Variants in SNX29 observed in about 807,000 individuals in gnomAD.
SNX29 encodes the protein sorting nexin-29.
In SNX29, 78 loss-of-function variants were observed where a neutral mutation model predicts 102.1. The ratio of observed to expected loss-of-function variants is 0.76; its 90% CI spans 0.64 to 0.92. The LOEUF (loss-of-function observed/expected upper bound fraction) is 0.92. SNX29 is among the 40% of genes least tolerant of loss of function. The pLI is 0.00. For missense variants in SNX29, 1,280 were observed against 1,061.7 expected (o/e 1.21, Z -2.86); for synonymous variants, 580 against 414.5 (o/e 1.40, Z -4.85).
intron 20 of SNX29, among the ~76,000 whole-genome samples, chr16:12,540,041 ACT>A (rs967390250): frequency 6.6e-5 from 10 of 152,160 alleles, no homozygotes; most frequent in Non-Finnish European, 4.4e-5. Flanking sequence ...GATGAAATTT[ACT>A]TTTTGTGTCC....
At chr16:12,276,657 G>A (rs2079261371) in intron 14 of SNX29, among the ~76,000 whole-genome samples, 1 of 152,166 alleles carries the variant, frequency 6.6e-6, no homozygotes, top group Non-Finnish European at 1.5e-5. Context: ...TGAGGCTTGA[G>A]GCTAATCCAC....
intron 16 of SNX29, among the ~76,000 whole-genome samples, chr16:12,365,823 A>ACC (rs1446549215): frequency 6.6e-6 from 1 of 151,482 alleles, no homozygotes; most frequent in Non-Finnish European, 1.5e-5. Flanking sequence ...CAGGCGGATC[A>ACC]TGAGGTCAGG....
chr16:12,354,966 G>C (rs2082090454), intron 15 of SNX29, among the ~76,000 whole-genome samples: 1 of 152,174 alleles, frequency 6.6e-6, no homozygotes. Flanking sequence ...GAAAGCGTCT[G>C]TACCTCAGGG....
intron 19 of SNX29, among the ~76,000 whole-genome samples, chr16:12,482,876 G>T (rs1012470992): frequency 6.6e-6 from 1 of 152,142 alleles, no homozygotes; most frequent in South Asian, 2.1e-4. Context: ...GTTGTATAGT[G>T]TGTGGACCCA....
chr16:12,053,774 A>G (rs1308262265), intron 8 of SNX29, among the ~76,000 whole-genome samples: 1 of 151,000 alleles, frequency 6.6e-6, no homozygotes, highest in Non-Finnish European at 1.5e-5. Context: ...TGATCATCTG[A>G]GATATGCCAG....
intron 11 of SNX29, chr16:12,087,781 A>T (rs1020318890): frequency 2.2e-5 from 10 of 448,336 alleles, no homozygotes; most frequent in Admixed American, 4.7e-5. Context: ...TCACACAGCC[A>T]AACTTCTGGG....
intron 13 of SNX29, among the ~76,000 whole-genome samples, chr16:12,146,725 C>G (rs1342949157): frequency 1.3e-5 from 2 of 152,110 alleles, no homozygotes; most frequent in Non-Finnish European, 2.9e-5. Context: ...TGAATGATTT[C>G]TCAGCTCGTT....
intron 19 of SNX29, among the ~76,000 whole-genome samples, chr16:12,507,890 G>A (rs957698772): frequency 6.6e-6 from 1 of 152,124 alleles, no homozygotes; most frequent in African/African-American, 2.4e-5. Context: ...CCAGGCACAC[G>A]GTCAAGGCCA....
intron 14 of SNX29, among the ~76,000 whole-genome samples, chr16:12,219,687 A>G (rs528088174): frequency 2.6e-4 from 39 of 152,338 alleles, no homozygotes; most frequent in Admixed American, 9.2e-4. Context: ...ATTTTAACAC[A>G]TAATGTTTTT....
At chr16:12,094,386 A>C (rs546345905) in intron 11 of SNX29, among the ~76,000 whole-genome samples, 1 of 152,218 alleles carries the variant, frequency 6.6e-6, no homozygotes, top group Non-Finnish European at 1.5e-5. Flanking sequence ...AATCTTCCTG[A>C]AAACAACATC....
intron 16 of SNX29, among the ~76,000 whole-genome samples, chr16:12,391,516 A>G (rs892864478): frequency 1.3e-5 from 2 of 152,236 alleles, no homozygotes; most frequent in Non-Finnish European, 2.9e-5. Context: ...AAGCAATTAT[A>G]TGAAAGAATT....
intron 11 of SNX29, among the ~76,000 whole-genome samples, chr16:12,111,606 G>C (rs1323207227): frequency 6.6e-6 from 1 of 152,194 alleles, no homozygotes; most frequent in Admixed American, 6.5e-5. Flanking sequence ...CAAGATGGCA[G>C]GCAGCAAGGA....
chr16:12,555,747 C>T (rs929660193), intron 20 of SNX29, among the ~76,000 whole-genome samples: 3 of 152,020 alleles, frequency 2.0e-5, no homozygotes, highest in Non-Finnish European at 4.4e-5. Flanking sequence ...CACCTCCCCA[C>T]AACTCCAACT....
At chr16:12,494,308 GC>G (rs2088700239) in intron 19 of SNX29, among the ~76,000 whole-genome samples, 2 of 152,080 alleles carry the variant, frequency 1.3e-5, no homozygotes, top group African/African-American at 4.8e-5. Context: ...TCCCTTTGCA[GC>G]CCCCAAAGCA....
chr16:12,570,466 A>ATTT lies in SNX29; in HGVS notation c.*1837_*1838insTTT, dbSNP rs2079163832. ...TAATGGACTGAGGCAGGAAACGTCTAAAAGCTCAATCTGCTGTATGTCATG... is the reference window on the plus strand; with the variant it reads ...TAATGGACTGAGGCAGGAAACGTCTATTTAAAGCTCAATCTGCTGTATGTCATG... On this transcript the variant is annotated 3_prime_UTR_variant, in exon 21 of 21. Coordinates refer to ENST00000566228, the MANE Select transcript of SNX29 (RefSeq NM_032167.5). 8.5e-6 allele frequency: 2 copies of ATTT among 235,170 alleles called. No homozygotes were observed. The highest frequency in any genetic ancestry group is 1.7e-5 in the Non-Finnish European group (2 of 120,026). 14.6% of individuals were successfully genotyped at this position (235,170 alleles called of 1,614,324 possible).
rs117982016 is a variant in SNX29 at position 12,347,612 on chromosome 16, C to T, written c.1783-8551C>T. 1.2e-4 allele frequency among the ~76,000 whole-genome samples: 18 copies of T among 152,218 alleles called. No homozygotes were observed. The East Asian group carries it at 3.1e-3, about 26-fold the overall frequency. On this transcript the variant is annotated intron_variant, in intron 15 of 20. Transcript: ENST00000566228. ...ACACCTCCCAGGCTTGTAGTGTCTGCTAATATGTAAAACACTTAGAGTGCT... is the reference window on the plus strand; with the variant it reads ...ACACCTCCCAGGCTTGTAGTGTCTGTTAATATGTAAAACACTTAGAGTGCT...
chr16:12,550,537 A>AC (rs2077907188), intron 20 of SNX29, among the ~76,000 whole-genome samples: 2 of 152,054 alleles, frequency 1.3e-5, no homozygotes, highest in South Asian at 4.1e-4. Flanking sequence ...TCTACAAAAA[A>AC]AAAAAAAAAA....
chr16:12,521,150 A>T (rs940340615), intron 19 of SNX29, among the ~76,000 whole-genome samples: 3 of 152,172 alleles, frequency 2.0e-5, no homozygotes, highest in African/African-American at 7.2e-5. Flanking sequence ...ACTGCACTGC[A>T]CCCTGGGCGA....
chr16:12,234,688 A>T (rs2077870974), intron 14 of SNX29, among the ~76,000 whole-genome samples: 1 of 152,158 alleles, frequency 6.6e-6, no homozygotes, highest in African/African-American at 2.4e-5. Flanking sequence ...TAGAGCTGAG[A>T]TGCTGTCGGC....
Sources: allele counts gnomAD v4.1 joint callset (sites outside exome capture counted in the v4.1 genomes callset), GRCh38; gene constraint gnomAD v4.1.1; transcripts MANE v1.5; gene names NCBI Gene and HGNC (gene_info 2026-07-23, HGNC 2026-07-21).